ARID3C: variants seen among roughly 807,000 people sequenced by gnomAD.
ARID3C encodes AT-rich interactive domain-containing protein 3C.
Under a neutral mutation model 37.9 loss-of-function variants are expected in ARID3C, and 42 were observed. That is an observed-to-expected ratio of 1.11 (90% confidence interval 0.87 to 1.43). The LOEUF is 1.43. ARID3C is among the 40% of genes most tolerant of loss of function. The pLI, the probability that ARID3C is intolerant of heterozygous loss-of-function variation, is 0.00. For synonymous variants in ARID3C, 213 were observed against 228.0 expected (o/e 0.93, Z 0.59); for missense variants, 581 against 548.8 (o/e 1.06, Z -0.59).
intron 1 of ARID3C, among the ~76,000 whole-genome samples, chr9:34,627,061 C>A (rs570378566): frequency 5.3e-5 from 8 of 152,264 alleles, no homozygotes; most frequent in African/African-American, 1.4e-4. Flanking sequence ...TGCGGAGGAG[C>A]CCTTTAGTCA....
chr9:34,624,033 G>T lies in ARID3C; in HGVS notation c.406C>A (p.Arg136Ser), dbSNP rs749142445. Residue 136 changes from arginine to serine, a missense_variant, in exon 3 of 7, where the codon CGC (arginine) becomes AGC (serine). Transcript: ENST00000378909. ...ACCTGCTTCGCCATGATGGGCACGC[G>T]GTTCACTGGCGTCCCTGGTGGGGAG... The T allele has an allele frequency of 2.5e-6, 4 of 1,591,570 alleles. No homozygotes were observed. Among genetic ancestry groups the T allele is most frequent in the Admixed American group, 1.7e-5 (1 of 58,710 alleles).
At chr9:34,622,240 G>T (rs1432654061) in intron 5 of ARID3C, 107 bp downstream of exon 6, 15 of 1,564,192 alleles carry the variant, frequency 9.6e-6, no homozygotes, top group Non-Finnish European at 1.0e-5. Context: ...TCACACAGTT[G>T]TCTACAGAGG....
At chr9:34,623,157 A>AG in intron 4 of ARID3C, among the ~76,000 whole-genome samples, 1 of 150,834 alleles carries the variant, frequency 6.6e-6, no homozygotes, top group African/African-American at 2.4e-5. Flanking sequence ...CAAAAAAAAA[A>AG]AAAAAAGAAA....
At chr9:34,625,809 A>G (rs1475899476) in exon 2 of ARID3C, 1 of 1,613,788 alleles carries the variant, frequency 6.2e-7, no homozygotes, top group African/African-American at 1.3e-5. Context: ...CATCGAGCTC[A>G]TACAGCTGGG....
upstream of ARID3C, among the ~76,000 whole-genome samples, chr9:34,629,021 C>G (rs1021369032): frequency 1.3e-5 from 2 of 151,936 alleles, no homozygotes; most frequent in Non-Finnish European, 1.5e-5. Context: ...GGTGCGCTCC[C>G]GCCGCCCTGT....
rs1487910476 is a variant in ARID3C, at chr9:34,621,823, G to C, written c.1138+197C>G. ...GACATCCCCTGGTACTCATGCCAGA[G>C]AGGTCATGCCTTGGATCCCATGCCA... On this transcript the variant is annotated intron_variant, in intron 6 of 6. Transcript: ENST00000378909. Among the ~76,000 whole-genome samples, 4 of 152,116 alleles carry C rather than the reference G, an allele frequency of 2.6e-5. No homozygotes were observed. The East Asian group carries it at 5.8e-4, about 22-fold the overall frequency.
intron 3 of ARID3C, 37 bp from the exon 5 acceptor site, chr9:34,623,751 C>A: frequency 6.7e-7 from 1 of 1,503,326 alleles, no homozygotes; most frequent in Non-Finnish European, 8.9e-7. Flanking sequence ...GTATGGGAGG[C>A]TGCACCCAGC....
intron 4 of ARID3C, among the ~76,000 whole-genome samples, chr9:34,623,221 C>T (rs1820601136): frequency 6.6e-6 from 1 of 151,828 alleles, no homozygotes; most frequent in Non-Finnish European, 1.5e-5. Flanking sequence ...TTCAGTAACC[C>T]GTACCCCAGA....
upstream of ARID3C, among the ~76,000 whole-genome samples, chr9:34,630,235 T>C (rs1387894300): frequency 2.0e-5 from 3 of 152,148 alleles, no homozygotes; most frequent in African/African-American, 7.2e-5. Flanking sequence ...GCCCACTGCT[T>C]TGCGCCCTCC....
exon 1 of ARID3C, chr9:34,627,728 T>C: frequency 6.2e-7 from 1 of 1,613,474 alleles, no homozygotes; most frequent in Non-Finnish European, 8.5e-7. Flanking sequence ...GGTCCACTCG[T>C]GGGGATGGAG....
chr9:34,624,362 G>C (rs1456991467), intron 2 of ARID3C, among the ~76,000 whole-genome samples: 1 of 152,242 alleles, frequency 6.6e-6, no homozygotes, highest in Non-Finnish European at 1.5e-5. Flanking sequence ...TATAGACTCT[G>C]AAATTCGAAT....
At chr9:34,625,858 C>T in intron 1 of ARID3C, 44 bp from the exon 3 acceptor site, 4 of 1,606,616 alleles carry the variant, frequency 2.5e-6, no homozygotes, top group Non-Finnish European at 3.4e-6. Flanking sequence ...CTGACTCCCC[C>T]TCCCTCCCTT....
exon 4 of ARID3C, chr9:34,623,531 G>T: frequency 6.4e-7 from 1 of 1,570,930 alleles, no homozygotes; most frequent in Non-Finnish European, 8.6e-7. Flanking sequence ...GAGGGGCGGG[G>T]CCGGGACCCA....
chr9:34,623,585 G>T (rs759129977), exon 4 of ARID3C: 1 of 1,608,682 alleles, frequency 6.2e-7, no homozygotes, highest in East Asian at 2.2e-5. Context: ...CTGCCAAGCC[G>T]AAGAGCGGAG....
exon 1 of ARID3C, chr9:34,627,992 T>G: frequency 6.6e-7 from 1 of 1,509,182 alleles, no homozygotes; most frequent in Non-Finnish European, 8.9e-7. Context: ...CCGAGCTGCC[T>G]GCTGCTTCTG....
At chr9:34,627,624 A>T (rs1820673074) in intron 1 of ARID3C, 73 bp downstream of exon 2, 2 of 1,423,402 alleles carry the variant, frequency 1.4e-6, no homozygotes, top group Non-Finnish European at 1.9e-6. Context: ...GTGGGCTGCT[A>T]ATCACCTGGC....
chr9:34,623,658 C>T (rs759342451), exon 4 of ARID3C: 2 of 1,592,922 alleles, frequency 1.3e-6, no homozygotes, highest in East Asian at 2.3e-5. Flanking sequence ...CTGGAGCTCC[C>T]CTGGGGAGCT....
chr9:34,621,881 G>T, intron 6 of ARID3C, 139 bp downstream of exon 7: 1 of 865,794 alleles, frequency 1.2e-6, no homozygotes, highest in Non-Finnish European at 1.8e-6. Context: ...TGCCAGTCTA[G>T]CAATCCCCTG....
upstream of ARID3C, chr9:34,628,127 C>T (rs1192837601): frequency 1.5e-6 from 2 of 1,361,824 alleles, no homozygotes; most frequent in African/African-American, 2.9e-5. This position sits in a 1 kb window ranked among gnomAD's most constrained non-coding sequence, Gnocchi z 5.2. Flanking sequence ...CCTACTGCCC[C>T]CAGAGCCCCC....
Sources: gnomAD v4.1 joint callset for allele counts (sites outside exome capture counted in the v4.1 genomes callset) on GRCh38, gnomAD v4.1.1 for gene constraint, Gnocchi (gnomAD v3.1) non-coding constraint, MANE v1.5 for transcripts, NCBI Gene and HGNC (gene_info 2026-07-23, HGNC 2026-07-21) for gene names.